The following PLEKHG3 variants were observed in gnomAD, a reference collection of about 807,000 sequenced individuals.
PLEKHG3 encodes pleckstrin homology domain-containing family G member 3.
Under a neutral mutation model 94.9 loss-of-function variants are expected in PLEKHG3, and 62 were observed. The ratio of observed to expected loss-of-function variants is 0.65; its 90% CI spans 0.53 to 0.81. The LOEUF is 0.81. Among genes scored for constraint, PLEKHG3 ranks in the 30% least tolerant of loss-of-function variants. PLEKHG3 has a pLI of 0.00. For synonymous variants in PLEKHG3, 614 were observed against 654.0 expected (o/e 0.94, Z 0.93); for missense variants, 1,461 against 1,619.3 (o/e 0.90, Z 1.68).
intron 1 of PLEKHG3, among the ~76,000 whole-genome samples, chr14:64,719,099 T>C (rs1367514527): frequency 6.6e-6 from 1 of 152,196 alleles, no homozygotes; most frequent in African/African-American, 2.4e-5. Context: ...CTACTTTTCC[T>C]TTCCAGCTGA....
chr14:64,729,456 C>T (rs569523945), intron 3 of PLEKHG3, among the ~76,000 whole-genome samples: 28 of 152,298 alleles, frequency 1.8e-4, no homozygotes, highest in Non-Finnish European at 3.2e-4. Flanking sequence ...ATCCTCCTTT[C>T]CACTGACCCC....
rs1022349771 is a variant in PLEKHG3, at chr14:64,732,339, T to A, written c.1213-88T>A. ...CGGGCCTTGGTGCAGCACTGTGGGG[T>A]GTCCTCGTACAGCAACAGTGGGTCC... is the stretch of plus-strand genomic sequence containing the variant. On this transcript the variant is annotated intron_variant, in intron 10 of 16. Coordinates refer to ENST00000247226, the MANE Select transcript of PLEKHG3 (RefSeq NM_001308147.2). The surrounding 1 kb of genome is among the most constrained non-coding windows in gnomAD (Gnocchi z 4.9). 3.6e-5 allele frequency: 47 copies of A among 1,308,684 alleles called. No individual in the cohort carries two copies. In the South Asian group the frequency reaches 5.5e-4, roughly 15 times the overall value. 81.1% of individuals were successfully genotyped at this position (1,308,684 alleles called of 1,614,324 possible). A position where few individuals can be genotyped will look rare whatever the true frequency, so the allele number is the denominator to read the frequency against.
At position 64,726,932 on chromosome 14, in the gene PLEKHG3, C is replaced by T. The variant is rs1390108690; in HGVS notation, c.-39-661C>T. ...TGTCTTGTCTTAACATTGTAAGAAC[C>T]AGATCTTTGCCCATCCCTGTACAGT... is the stretch of plus-strand genomic sequence containing the variant. On this transcript the variant is annotated intron_variant, in intron 1 of 16. Transcript: ENST00000247226. The surrounding 1 kb of genome is among the most constrained non-coding windows in gnomAD (Gnocchi z 5.1). 6.6e-6 allele frequency among the ~76,000 whole-genome samples: 1 copy of T among 152,178 alleles called. No individual in the cohort carries two copies. The highest frequency in any genetic ancestry group is 1.5e-5 in the Non-Finnish European group (1 of 68,028).
At chr14:64,719,973 GCTTT>G (rs1264608826) in intron 1 of PLEKHG3, among the ~76,000 whole-genome samples, 10 of 152,188 alleles carry the variant, frequency 6.6e-5, no homozygotes, top group Non-Finnish European at 1.3e-4. Context: ...ACCTTTTAGG[GCTTT>G]CTTTGGCTCT....
At position 64,720,794 on chromosome 14, in the gene PLEKHG3, G is replaced by C. The variant is rs1004674689; in HGVS notation, c.-39-6799G>C. Among the ~76,000 whole-genome samples the C allele has an allele frequency of 2.6e-5, 4 of 152,224 alleles. No individual in the cohort carries two copies. The highest frequency in any genetic ancestry group is 5.9e-5 in the Non-Finnish European group (4 of 68,048). The stretch of plus-strand genomic sequence containing the variant: ...TTTGCATGGCTGGGTTCCTTCTGCA[G>C]GATCCAGGGCAGAATTTGTTTCCTT... On this transcript the variant is annotated intron_variant, in intron 1 of 16. Transcript: ENST00000247226. The surrounding 1 kb of genome is among the most constrained non-coding windows in gnomAD (Gnocchi z 4.1).
intron 1 of PLEKHG3, among the ~76,000 whole-genome samples, chr14:64,714,369 T>C (rs2081105360): frequency 6.6e-6 from 1 of 152,248 alleles, no homozygotes; most frequent in African/African-American, 2.4e-5. Flanking sequence ...TACAGGTCTC[T>C]CTGCTCTAGA....
Position 64,732,105 on chromosome 14 carries a change from T to C in PLEKHG3, c.1136T>C (p.Val379Ala). ...KQQYSIQAKT[V>A]EEKRNWTHHI... ...CTTGGGTCCTCCCAGGCCAAGACAG[T>C]GGAGGAGAAACGGAACTGGACTCAC... The change falls in exon 10 of 17, where the codon GTG (valine) becomes GCG (alanine). Residue 379 changes from valine (V) to alanine (A), a missense_variant. This residue lies in a region of PLEKHG3 where 1,201 missense variants were observed against 1,295.5 expected (regional missense o/e 0.93). Coordinates refer to ENST00000247226, the MANE Select transcript of PLEKHG3 (RefSeq NM_001308147.2). This position sits in a 1 kb window ranked among gnomAD's most constrained non-coding sequence, Gnocchi z 4.9. The C allele has an allele frequency of 6.2e-7, 1 of 1,612,254 alleles. No homozygotes were observed. Among genetic ancestry groups the C allele is most frequent in the South Asian group, 1.1e-5 (1 of 91,036 alleles).
In PLEKHG3 at chr14:64,743,522, A is replaced by C; in HGVS notation, c.3479A>C (p.Glu1160Ala). ...CTTCCCAGCCCCACTGCAGGGCTGG[A>C]GGAGAGCAGTGGCCAGGGACCAAGC... is the stretch of plus-strand genomic sequence containing the variant. ...GPLPSPTAGL[E>A]ESSGQGPSSP... The change falls in exon 17 of 17, where the codon GAG becomes GCG. Residue 1160 changes from glutamate to alanine, a missense_variant. Around this residue, in one of 3 missense-constraint regions of PLEKHG3, gnomAD observed 1,201 missense variants for 1,295.5 expected, o/e 0.93. Coordinates refer to ENST00000247226, the MANE Select transcript of PLEKHG3 (RefSeq NM_001308147.2). The surrounding 1 kb of genome is among the most constrained non-coding windows in gnomAD (Gnocchi z 7.2). The C allele has an allele frequency of 6.2e-7, 1 of 1,613,002 alleles. No individual in the cohort carries two copies. The highest frequency in any genetic ancestry group is 8.5e-7 in the Non-Finnish European group (1 of 1,179,880).
chr14:64,744,149 A>ACC lies in PLEKHG3; in HGVS notation c.*446_*447insCC. On this transcript the variant is annotated 3_prime_UTR_variant, in exon 17 of 17. Transcript: ENST00000247226. ...GGGTCCAGGCAGGAATGAAGCCAAT[A>ACC]ATTTATTGCTTTCCATTCTGTGGTA... 6.4e-6 allele frequency: 1 copy of ACC among 157,064 alleles called. No homozygotes were observed. Among genetic ancestry groups the ACC allele is most frequent in the Non-Finnish European group, 1.4e-5 (1 of 71,342 alleles). The allele number at this position is 157,064 out of a possible 1,614,324, so 9.7% of individuals were successfully genotyped here. A position where few individuals can be genotyped will look rare whatever the true frequency, so the allele number is the denominator to read the frequency against.
rs760071063 is a variant in PLEKHG3, at chr14:64,738,901, G to A, written c.1518+46G>A. On this transcript the variant is annotated intron_variant, in intron 15 of 16. Transcript: ENST00000247226. This position sits in a 1 kb window ranked among gnomAD's most constrained non-coding sequence, Gnocchi z 4.8. ...ATGGGGATAGTAGGAAGAACTTGGA[G>A]TCCAGATTTTCAAGTCTGCAAATAG... The A allele has an allele frequency of 4.0e-5, 51 of 1,268,982 alleles. No homozygotes were observed. The highest frequency in any genetic ancestry group is 5.5e-5 in the Non-Finnish European group (49 of 889,074). 78.6% of individuals were successfully genotyped at this position (1,268,982 alleles called of 1,614,324 possible).
intron 1 of PLEKHG3, among the ~76,000 whole-genome samples, chr14:64,709,729 CTG>C (rs3063746): frequency 0.23 from 33,116 of 143,496 alleles, 3,697 homozygotes; most frequent in African/African-American, 0.3. Flanking sequence ...GGCTGTGAGA[CTG>C]TGTGTGTGTG....
In PLEKHG3 at chr14:64,731,206, C is replaced by T; in HGVS notation, c.849+37C>T. 2 of 865,864 alleles carry T rather than the reference C, an allele frequency of 2.3e-6. No homozygotes were observed. The highest frequency in any genetic ancestry group is 3.7e-6 in the Non-Finnish European group (2 of 543,238). 53.6% of individuals were successfully genotyped at this position (865,864 alleles called of 1,614,324 possible). ...CTGGGACGCTGGGGGAGGGGCAGGG[C>T]TGGGTGGGCCAGGCTTCCGCTGGGA... On this transcript the variant is annotated intron_variant, in intron 7 of 16. Coordinates refer to ENST00000247226, the MANE Select transcript of PLEKHG3 (RefSeq NM_001308147.2). The surrounding 1 kb of genome is among the most constrained non-coding windows in gnomAD (Gnocchi z 6.1).
chr14:64,737,449 C>G (rs1175396432), intron 14 of PLEKHG3, 74 bp downstream of exon 14: 1 of 1,029,660 alleles, frequency 9.7e-7, no homozygotes, highest in African/African-American at 1.6e-5. Context: ...CCGGCCCCTT[C>G]AGCCCTCATT....
chr14:64,721,684 C>T lies in PLEKHG3; in HGVS notation c.-39-5909C>T, dbSNP rs996613109. 2.6e-5 allele frequency among the ~76,000 whole-genome samples: 4 copies of T among 152,138 alleles called. No homozygotes were observed. Among genetic ancestry groups the T allele is most frequent in the Admixed American group, 1.3e-4 (2 of 15,280 alleles). The stretch of plus-strand genomic sequence containing the variant: ...GGGAGCCTTCTCTCGCGCTTTATTA[C>T]GGTGCTCAGGGCTGCTGAATCTCCA... On this transcript the variant is annotated intron_variant, in intron 1 of 16. Coordinates refer to ENST00000247226, the MANE Select transcript of PLEKHG3 (RefSeq NM_001308147.2). This position sits in a 1 kb window ranked among gnomAD's most constrained non-coding sequence, Gnocchi z 4.3.
chr14:64,732,571 G>GGGGGTCTCCTGTTAAGGGCT lies in PLEKHG3; in HGVS notation c.1246+116_1246+135dup. 3 of 992,500 alleles carry GGGGGTCTCCTGTTAAGGGCT rather than the reference G, an allele frequency of 3.0e-6. No homozygotes were observed. Among genetic ancestry groups the GGGGGTCTCCTGTTAAGGGCT allele is most frequent in the Non-Finnish European group, 4.8e-6 (3 of 618,640 alleles). 61.5% of individuals were successfully genotyped at this position (992,500 alleles called of 1,614,324 possible). A position where few individuals can be genotyped will look rare whatever the true frequency, so the allele number is the denominator to read the frequency against. On this transcript the variant is annotated intron_variant, in intron 11 of 16. Transcript: ENST00000247226. The surrounding 1 kb of genome is among the most constrained non-coding windows in gnomAD (Gnocchi z 4.9). Reference sequence around the variant, plus strand: ...ATTTTATTCCAGGAGCAGGGAGGGCGGGGGTCTCCTGTTAAGGGCTGGGGG... The same window carrying GGGGGTCTCCTGTTAAGGGCT: ...ATTTTATTCCAGGAGCAGGGAGGGCGGGGGTCTCCTGTTAAGGGCTGGGGTCTCCTGTTAAGGGCTGGGGG...
At position 64,730,435 on chromosome 14, in the gene PLEKHG3, C is replaced by CT. The variant is rs2081436341; in HGVS notation, c.519+124dup. The CT allele has an allele frequency of 1.3e-6, 1 of 772,920 alleles. No individual in the cohort carries two copies. Among genetic ancestry groups the CT allele is most frequent in the South Asian group, 1.6e-5 (1 of 63,836 alleles). The allele number at this position is 772,920 out of a possible 1,614,324, so 47.9% of individuals were successfully genotyped here. On this transcript the variant is annotated intron_variant, in intron 4 of 16. Transcript: ENST00000247226. The surrounding 1 kb of genome is among the most constrained non-coding windows in gnomAD (Gnocchi z 5.4). ...CTTTCCAGGGAAAGTCCTGGGTGCT[C>CT]TATCTTGAATGAGAAGGGTGTTCTG...
In PLEKHG3 at chr14:64,727,530, T is replaced by G. The variant is rs1195451283; in HGVS notation, c.-39-63T>G. The G allele has an allele frequency of 9.3e-6, 4 of 428,154 alleles. No homozygotes were observed. The highest frequency in any genetic ancestry group is 1.3e-5 in the Non-Finnish European group (3 of 222,808). 26.5% of individuals were successfully genotyped at this position (428,154 alleles called of 1,614,324 possible). On this transcript the variant is annotated intron_variant, in intron 1 of 16. Transcript: ENST00000247226. The surrounding 1 kb of genome is among the most constrained non-coding windows in gnomAD (Gnocchi z 6.0). ...CACCTGCCCCCACCCCTGGCAACCG[T>G]CCCTCTGTTCTGTTTCTGTGGGCAT...
At position 64,749,108 on chromosome 14, in the gene PLEKHG3, G is replaced by T. The variant is rs1014084019; in HGVS notation, c.*5405G>T. 10 of 552,978 alleles carry T rather than the reference G, an allele frequency of 1.8e-5. No homozygotes were observed. The highest frequency in any genetic ancestry group is 2.7e-5 in the Non-Finnish European group (9 of 328,044). 34.3% of individuals were successfully genotyped at this position (552,978 alleles called of 1,614,324 possible). Reference sequence around the variant, plus strand: ...CCTGTCCCTGGAGCGGAGCCAGCGCGGGCGAGGGCATGGAGGGGGCGTCGG... The same window carrying T: ...CCTGTCCCTGGAGCGGAGCCAGCGCTGGCGAGGGCATGGAGGGGGCGTCGG... On this transcript the variant is annotated 3_prime_UTR_variant, in exon 17 of 17. Transcript: ENST00000247226. The surrounding 1 kb of genome is among the most constrained non-coding windows in gnomAD (Gnocchi z 4.7).
At position 64,727,884 on chromosome 14, in the gene PLEKHG3, G is replaced by C. The variant is rs1447526774; in HGVS notation, c.253G>C (p.Gly85Arg). The change falls in exon 2 of 17, where the codon GGG (glycine) becomes CGG (arginine). Residue 85 changes from glycine to arginine, a missense_variant. Gly to Arg is a moderately radical substitution (Grantham distance 125). This residue lies in a region of PLEKHG3 where 253 missense variants were observed against 297.8 expected (regional missense o/e 0.85). Transcript: ENST00000247226. This position sits in a 1 kb window ranked among gnomAD's most constrained non-coding sequence, Gnocchi z 6.0. ...CCCGTTCAACAGCCGGGCAGCGGCAGGGCCTGCACACCACAAGCTCAGCTA... is the reference window on the plus strand; with the variant it reads ...CCCGTTCAACAGCCGGGCAGCGGCACGGCCTGCACACCACAAGCTCAGCTA... ...LSPFNSRAAAGPAHHKLSYLG... is the reference protein window; with the variant it reads ...LSPFNSRAAARPAHHKLSYLG... The C allele has an allele frequency of 6.2e-7, 1 of 1,613,226 alleles. No homozygotes were observed. The highest frequency in any genetic ancestry group is 8.5e-7 in the Non-Finnish European group (1 of 1,179,546).
Sources: allele counts gnomAD v4.1 joint callset (sites outside exome capture counted in the v4.1 genomes callset), GRCh38; gene constraint gnomAD v4.1.1; regional missense constraint gnomAD v4.1.1; non-coding constraint Gnocchi (gnomAD v3.1); transcripts MANE v1.5; gene names NCBI Gene and HGNC (gene_info 2026-07-23, HGNC 2026-07-21).